Variants in KCNMA1 observed in about 807,000 individuals in gnomAD.
The protein encoded by KCNMA1 is Calcium-activated potassium channel subunit alpha-1.
KCNMA1 carries 29 observed loss-of-function variants against 140.0 expected under a neutral mutation model. That is an observed-to-expected ratio of 0.21 (90% CI 0.15 to 0.28). KCNMA1 has a LOEUF of 0.28. KCNMA1 is among the 10% of genes least tolerant of loss of function. The pLI is 1.00. For synonymous variants in KCNMA1, 612 were observed against 611.9 expected, an observed-to-expected ratio of 1.00 and a Z score of 0.00; for missense variants, 880 against 1,602.2, an observed-to-expected ratio of 0.55 and a Z score of 7.70.
intron 1 of KCNMA1, among the ~76,000 whole-genome samples, chr10:77,621,543 CA>C (rs201177639): frequency 0.013 from 2,035 of 152,176 alleles, 39 homozygotes; most frequent in African/African-American, 0.046. Flanking sequence ...CACACACACA[CA>C]CACCCCTCTC....
At chr10:77,402,325 C>T (rs1264233794) in intron 2 of KCNMA1, among the ~76,000 whole-genome samples, 1 of 152,208 alleles carries the variant, frequency 6.6e-6, no homozygotes, top group Non-Finnish European at 1.5e-5. Flanking sequence ...CCACTAGACA[C>T]TGTCCCTCCT....
chr10:77,449,164 A>G (rs949285072), intron 1 of KCNMA1, among the ~76,000 whole-genome samples: 1 of 152,094 alleles, frequency 6.6e-6, no homozygotes, highest in African/African-American at 2.4e-5. Flanking sequence ...CTGGAAACCT[A>G]TCCTGAAAAA....
chr10:76,895,558 T>C lies in KCNMA1; in HGVS notation c.3148-3839A>G, dbSNP rs188822431. Reference sequence around the variant, plus strand: ...ACCCAAATTTCCATTAGCTAATGAATGCATGCACAAAATGTATTATATCCG... The same window carrying C: ...ACCCAAATTTCCATTAGCTAATGAACGCATGCACAAAATGTATTATATCCG... On this transcript the variant is annotated intron_variant, in intron 25 of 27. Transcript: ENST00000286628. 1.1e-3 allele frequency among the ~76,000 whole-genome samples: 168 copies of C among 152,348 alleles called. 1 individual carries two copies. Among genetic ancestry groups the C allele is most frequent in the African/African-American group, 3.8e-3 (159 of 41,582 alleles).
intron 2 of KCNMA1, among the ~76,000 whole-genome samples, chr10:77,263,022 G>A (rs2062439484): frequency 6.6e-6 from 1 of 152,096 alleles, no homozygotes; most frequent in South Asian, 2.1e-4. Context: ...AAAATGGAAG[G>A]AAAATTCTGA....
intron 3 of KCNMA1, among the ~76,000 whole-genome samples, chr10:77,212,982 T>G (rs1016625004): frequency 6.6e-6 from 1 of 152,210 alleles, no homozygotes; most frequent in Non-Finnish European, 1.5e-5. Context: ...TTCTTATTTT[T>G]GGGACAATTG....
At chr10:76,991,318 G>A (rs751918174) in intron 19 of KCNMA1, among the ~76,000 whole-genome samples, 5 of 152,182 alleles carry the variant, frequency 3.3e-5, no homozygotes, top group African/African-American at 4.8e-5. Context: ...TGGAAGCATT[G>A]GTGGATTTTT....
intron 2 of KCNMA1, among the ~76,000 whole-genome samples, chr10:77,272,635 A>AAT (rs376246850): frequency 0.33 from 50,359 of 150,518 alleles, 9,015 homozygotes; most frequent in African/African-American, 0.45. Context: ...AAATGAAGTA[A>AAT]ATATATATAT....
At chr10:77,610,175 C>G (rs1047013929) in intron 1 of KCNMA1, among the ~76,000 whole-genome samples, 3 of 152,208 alleles carry the variant, frequency 2.0e-5, no homozygotes, top group Non-Finnish European at 4.4e-5. Context: ...TCTGGCTACC[C>G]ACCAAAGCAG....
chr10:77,348,253 C>T (rs890556380), intron 2 of KCNMA1, among the ~76,000 whole-genome samples: 1 of 152,152 alleles, frequency 6.6e-6, no homozygotes, highest in Non-Finnish European at 1.5e-5. Flanking sequence ...CTCTGACATA[C>T]GATTCGAGAT....
intron 2 of KCNMA1, among the ~76,000 whole-genome samples, chr10:77,389,724 C>T (rs780996553): frequency 2.6e-5 from 4 of 152,122 alleles, no homozygotes; most frequent in Non-Finnish European, 5.9e-5. Flanking sequence ...GCCCCCTCCT[C>T]CCACGGCATC....
intron 5 of KCNMA1, among the ~76,000 whole-genome samples, chr10:77,176,131 G>C (rs2098749826): frequency 6.6e-6 from 1 of 152,162 alleles, no homozygotes. Context: ...GAGGAACAGA[G>C]AGATGCTTGA....
At chr10:77,016,164 C>T (rs932958086) in intron 17 of KCNMA1, among the ~76,000 whole-genome samples, 3 of 152,078 alleles carry the variant, frequency 2.0e-5, no homozygotes, top group African/African-American at 7.2e-5. Context: ...TGAACTTCTT[C>T]CCAGCCCATC....
At chr10:77,186,725 T>C (rs2098859785) in intron 3 of KCNMA1, among the ~76,000 whole-genome samples, 1 of 151,512 alleles carries the variant, frequency 6.6e-6, no homozygotes, top group Non-Finnish European at 1.5e-5. Context: ...TCCTATAGAC[T>C]CCAGGGTTGA....
chr10:77,616,486 T>C (rs1020715170), intron 1 of KCNMA1, among the ~76,000 whole-genome samples: 1 of 152,156 alleles, frequency 6.6e-6, no homozygotes, highest in African/African-American at 2.4e-5. Flanking sequence ...GAGGATAATG[T>C]GGGGTGACAT....
chr10:77,523,389 G>A (rs1380965084), intron 1 of KCNMA1, among the ~76,000 whole-genome samples: 1 of 152,174 alleles, frequency 6.6e-6, no homozygotes, highest in Non-Finnish European at 1.5e-5. Context: ...TCATGTGTTG[G>A]GTTTGCTTCA....
At chr10:77,575,439 G>T (rs1439134868) in intron 1 of KCNMA1, among the ~76,000 whole-genome samples, 1 of 152,054 alleles carries the variant, frequency 6.6e-6, no homozygotes, top group African/African-American at 2.4e-5. Flanking sequence ...AGGCCATGGC[G>T]GGCATCCAAT....
intron 2 of KCNMA1, among the ~76,000 whole-genome samples, chr10:77,258,956 C>CT (rs1285346495): frequency 6.8e-6 from 1 of 146,236 alleles, no homozygotes; most frequent in Non-Finnish European, 1.5e-5. Flanking sequence ...GAGCGAGACT[C>CT]TGTCTCAAAA....
chr10:77,113,843 G>A (rs540278871), intron 6 of KCNMA1, among the ~76,000 whole-genome samples: 42 of 152,248 alleles, frequency 2.8e-4, no homozygotes, highest in Admixed American at 2.1e-3. Flanking sequence ...ACATAGTTAC[G>A]TTTTTGTGTG....
chr10:77,462,064 A>T (rs528624065), intron 1 of KCNMA1, among the ~76,000 whole-genome samples: 12 of 151,986 alleles, frequency 7.9e-5, no homozygotes, highest in Non-Finnish European at 1.6e-4. Flanking sequence ...TAAACAACAC[A>T]GACACACATA....
Sources: gnomAD v4.1 joint callset for allele counts (sites outside exome capture counted in the v4.1 genomes callset) on GRCh38, gnomAD v4.1.1 for gene constraint, MANE v1.5 for transcripts, NCBI Gene and HGNC (gene_info 2026-07-23, HGNC 2026-07-21) for gene names.